Variants in PPP1R9A observed in about 807,000 individuals in gnomAD.
The protein encoded by PPP1R9A is protein phosphatase 1 regulatory subunit 9A.
Under a neutral mutation model 141.9 loss-of-function variants are expected in PPP1R9A, and 59 were observed. That is an observed-to-expected ratio of 0.42 (90% CI 0.34 to 0.52). The LOEUF is 0.52. PPP1R9A is among the 20% of genes least tolerant of loss of function. The probability of loss-of-function intolerance (pLI) is 0.10; values close to 1 mark genes in which losing one functional copy is unlikely to be tolerated. For synonymous variants in PPP1R9A, 500 were observed against 569.7 expected (o/e 0.88, Z 1.74); for missense variants, 1,444 against 1,611.9 (o/e 0.90, Z 1.78).
intron 5 of PPP1R9A, among the ~76,000 whole-genome samples, chr7:95,186,012 T>C (rs1299449421): frequency 6.9e-6 from 1 of 145,144 alleles, no homozygotes; most frequent in East Asian, 2.0e-4. Context: ...GCAGGCTCTT[T>C]TTTTGTTCCA....
intron 8 of PPP1R9A, among the ~76,000 whole-genome samples, chr7:95,239,365 G>A (rs1797133312): frequency 1.3e-5 from 2 of 152,148 alleles, no homozygotes; most frequent in African/African-American, 4.8e-5. Flanking sequence ...GTATAAGTGT[G>A]TACCTATTTT....
intron 2 of PPP1R9A, among the ~76,000 whole-genome samples, chr7:95,098,979 A>G (rs1818404279): frequency 6.6e-6 from 1 of 152,150 alleles, no homozygotes; most frequent in Non-Finnish European, 1.5e-5. Context: ...GCATCCCCTT[A>G]TCCCCATTTC....
chr7:95,284,444 G>A, intron 17 of PPP1R9A, 114 bp downstream of exon 17: 1 of 1,052,694 alleles, frequency 9.5e-7, no homozygotes, highest in Non-Finnish European at 1.3e-6. Context: ...ATTACTCTTT[G>A]ATTTGCCTAT....
intron 3 of PPP1R9A, among the ~76,000 whole-genome samples, chr7:95,119,142 G>A (rs1211304823): frequency 6.6e-6 from 1 of 152,096 alleles, no homozygotes; most frequent in Non-Finnish European, 1.5e-5. Flanking sequence ...GTATTTTTAT[G>A]CTGCTAGTAA....
At chr7:95,171,285 T>C (rs1002521642) in intron 5 of PPP1R9A, among the ~76,000 whole-genome samples, 2 of 151,550 alleles carry the variant, frequency 1.3e-5, no homozygotes, top group Non-Finnish European at 3.0e-5. Context: ...AAGGCAGAGA[T>C]TGTCATATTA....
chr7:95,153,697 C>T (rs1456813075), intron 4 of PPP1R9A, among the ~76,000 whole-genome samples: 2 of 152,090 alleles, frequency 1.3e-5, no homozygotes, highest in African/African-American at 2.4e-5. Flanking sequence ...TTACATGCAT[C>T]GAATGAGGAG....
At chr7:95,217,613 G>T (rs1393204792) in intron 7 of PPP1R9A, among the ~76,000 whole-genome samples, 1 of 152,080 alleles carries the variant, frequency 6.6e-6, no homozygotes, top group African/African-American at 2.4e-5. Context: ...ACTTTTTTTG[G>T]TTGGTAGGCT....
intron 2 of PPP1R9A, among the ~76,000 whole-genome samples, chr7:95,050,380 AC>A (rs1254331797): frequency 6.6e-6 from 1 of 152,132 alleles, no homozygotes; most frequent in Non-Finnish European, 1.5e-5. Context: ...TTTATCTGAT[AC>A]CTCTTGTGAT....
At chr7:95,251,631 C>T in intron 10 of PPP1R9A, 131 bp from the exon 11 acceptor site, 2 of 813,752 alleles carry the variant, frequency 2.5e-6, no homozygotes, top group Non-Finnish European at 3.6e-6. Context: ...ACTTTTTCCT[C>T]TAACTGATTG....
intron 2 of PPP1R9A, among the ~76,000 whole-genome samples, chr7:95,000,042 A>G (rs1007346686): frequency 6.6e-6 from 1 of 152,086 alleles, no homozygotes; most frequent in Non-Finnish European, 1.5e-5. Context: ...ACCTCAACTG[A>G]TCTGCTCGCC....
At chr7:95,266,037 G>A (rs1801235229) in intron 12 of PPP1R9A, among the ~76,000 whole-genome samples, 1 of 152,142 alleles carries the variant, frequency 6.6e-6, no homozygotes, top group Non-Finnish European at 1.5e-5. Flanking sequence ...GAGTCCCAGA[G>A]TAAATTTTCT....
At chr7:95,122,531 A>G (rs1045376538) in intron 4 of PPP1R9A, among the ~76,000 whole-genome samples, 12 of 152,198 alleles carry the variant, frequency 7.9e-5, no homozygotes, top group Non-Finnish European at 1.5e-4. Context: ...ATGTAAATAC[A>G]AAACCACACC....
At chr7:94,930,574 A>G (rs1794034021) in intron 2 of PPP1R9A, among the ~76,000 whole-genome samples, 2 of 152,086 alleles carry the variant, frequency 1.3e-5, no homozygotes. Flanking sequence ...CCTGACCTCA[A>G]GTGATTTTGC....
chr7:95,045,150 T>C (rs921569420), intron 2 of PPP1R9A, among the ~76,000 whole-genome samples: 1 of 152,156 alleles, frequency 6.6e-6, no homozygotes, highest in African/African-American at 2.4e-5. Flanking sequence ...TACGAATCTA[T>C]GGCAACCTCA....
chr7:95,220,824 C>T (rs1472166500), intron 7 of PPP1R9A, among the ~76,000 whole-genome samples: 2 of 152,138 alleles, frequency 1.3e-5, no homozygotes, highest in East Asian at 3.9e-4. Context: ...TTAAGGGCAG[C>T]AGCTTCACAG....
intron 1 of PPP1R9A, among the ~76,000 whole-genome samples, chr7:94,908,955 CAA>C (rs1038420521): frequency 1.3e-5 from 2 of 152,058 alleles, no homozygotes; most frequent in Non-Finnish European, 1.5e-5. Context: ...AATATCAAAA[CAA>C]AACAAAAATA....
intron 2 of PPP1R9A, among the ~76,000 whole-genome samples, chr7:94,956,560 T>C (rs533697607): frequency 3.9e-4 from 59 of 152,228 alleles, no homozygotes; most frequent in Non-Finnish European, 6.9e-4. Flanking sequence ...GTAATATCAT[T>C]GTACTGTAGT....
At chr7:95,220,927 G>A (rs1016912892) in intron 7 of PPP1R9A, among the ~76,000 whole-genome samples, 2 of 152,020 alleles carry the variant, frequency 1.3e-5, no homozygotes, top group Admixed American at 1.3e-4. Flanking sequence ...GTTTTCTTGG[G>A]CTTGGGTAGA....
At chr7:95,203,856 GT>G in intron 7 of PPP1R9A, 126 bp downstream of exon 7, 1 of 607,622 alleles carries the variant, frequency 1.6e-6, no homozygotes, top group Non-Finnish European at 2.7e-6. Context: ...GATGTGTTTT[GT>G]GCATTGAATA....
Sources: gnomAD v4.1 joint callset for allele counts (sites outside exome capture counted in the v4.1 genomes callset) on GRCh38, gnomAD v4.1.1 for gene constraint, MANE v1.5 for transcripts, NCBI Gene and HGNC (gene_info 2026-07-23, HGNC 2026-07-21) for gene names.